Variants in RPS6KC1 observed in about 807,000 individuals in gnomAD.
RPS6KC1 encodes the protein inactive ribosomal protein S6 kinase delta-1.
In RPS6KC1, 54 loss-of-function variants were observed where a neutral mutation model predicts 103.8. The observed-to-expected ratio is 0.52, with a 90% CI of 0.42 to 0.65. The LOEUF is 0.65. RPS6KC1 is among the 30% of genes least tolerant of loss of function. The pLI is 0.00. For synonymous variants in RPS6KC1, 439 were observed against 438.7 expected (o/e 1.00, Z -0.01); for missense variants, 1,151 against 1,253.8 (o/e 0.92, Z 1.24).
At chr1:213,545,394 A>G in the RPS6KC1 span, among the ~76,000 whole-genome samples, 24 of 89,576 alleles carry the variant, frequency 2.7e-4, no homozygotes, top group African/African-American at 8.9e-4. Flanking sequence ...AAATAAATAA[A>G]TAAATAAATA....
chr1:213,331,546 C>T, the RPS6KC1 span, among the ~76,000 whole-genome samples: 2 of 152,222 alleles, frequency 1.3e-5, no homozygotes. Context: ...TGGAGAGCAT[C>T]TGTAAGGAGG....
the RPS6KC1 span, among the ~76,000 whole-genome samples, chr1:213,296,417 G>A: frequency 6.6e-6 from 1 of 152,148 alleles, no homozygotes; most frequent in African/African-American, 2.4e-5. Context: ...TTGGGGGCAG[G>A]GCTTTACTGT....
the RPS6KC1 span, among the ~76,000 whole-genome samples, chr1:213,783,250 C>T: frequency 1.3e-5 from 2 of 152,188 alleles, no homozygotes; most frequent in African/African-American, 4.8e-5. Flanking sequence ...ACAAAGCTGG[C>T]TCTATCTTTG....
At chr1:213,271,836 A>G (rs1404646439) in intron 14 of RPS6KC1, among the ~76,000 whole-genome samples, 1 of 152,148 alleles carries the variant, frequency 6.6e-6, no homozygotes, top group Non-Finnish European at 1.5e-5. Flanking sequence ...AATTTACTAA[A>G]AGTCATCAAA....
chr1:213,585,198 C>T, the RPS6KC1 span, among the ~76,000 whole-genome samples: 24 of 152,156 alleles, frequency 1.6e-4, no homozygotes, highest in African/African-American at 4.3e-4. Flanking sequence ...ATATAGCTAG[C>T]GCTCAGTGAA....
chr1:213,132,066 A>G (rs1270073494), intron 6 of RPS6KC1, among the ~76,000 whole-genome samples: 1 of 152,224 alleles, frequency 6.6e-6, no homozygotes, highest in African/African-American at 2.4e-5. Context: ...AATGAGAATT[A>G]TAGATGCATG....
the RPS6KC1 span, among the ~76,000 whole-genome samples, chr1:213,396,162 T>C: frequency 6.6e-6 from 1 of 152,180 alleles, no homozygotes; most frequent in African/African-American, 2.4e-5. Context: ...GTTTTGAATG[T>C]TGGTTGCATC....
chr1:213,312,495 C>T, the RPS6KC1 span, among the ~76,000 whole-genome samples: 1 of 152,300 alleles, frequency 6.6e-6, no homozygotes, highest in Middle Eastern at 3.4e-3. Context: ...GTCCCCTTCT[C>T]CACAACAGAA....
intron 8 of RPS6KC1, among the ~76,000 whole-genome samples, chr1:213,206,315 G>T (rs548682199): frequency 4.6e-5 from 7 of 152,296 alleles, no homozygotes; most frequent in African/African-American, 1.7e-4. Flanking sequence ...AGATCTTGTG[G>T]TCTATCTACA....
the RPS6KC1 span, among the ~76,000 whole-genome samples, chr1:213,568,280 A>G: frequency 6.6e-6 from 1 of 152,224 alleles, no homozygotes; most frequent in East Asian, 1.9e-4. Context: ...TGGGCAAACT[A>G]GGATGTTATT....
the RPS6KC1 span, among the ~76,000 whole-genome samples, chr1:213,602,526 C>T: frequency 6.6e-6 from 1 of 152,016 alleles, no homozygotes; most frequent in African/African-American, 2.4e-5. Context: ...AGCCATTGCG[C>T]CCGGCCTGGT....
At chr1:213,498,700 C>T in the RPS6KC1 span, among the ~76,000 whole-genome samples, 2 of 151,968 alleles carry the variant, frequency 1.3e-5, no homozygotes, top group Admixed American at 6.6e-5. Flanking sequence ...ATGATCTGCC[C>T]ACCTCAGCCT....
chr1:213,445,889 G>A, the RPS6KC1 span, among the ~76,000 whole-genome samples: 6 of 152,294 alleles, frequency 3.9e-5, no homozygotes, highest in South Asian at 1.2e-3. Flanking sequence ...AATGGGAGGT[G>A]TTATCTCCAT....
the RPS6KC1 span, among the ~76,000 whole-genome samples, chr1:213,289,581 G>C: frequency 0.98 from 149,825 of 152,314 alleles, 73,744 homozygotes; most frequent in East Asian, 1. Context: ...GGGGAAAGTT[G>C]TTTCCATTTT....
chr1:213,450,725 C>G, the RPS6KC1 span, among the ~76,000 whole-genome samples: 1 of 152,188 alleles, frequency 6.6e-6, no homozygotes, highest in Non-Finnish European at 1.5e-5. Context: ...ACTGCAATCC[C>G]AGCACTTTGG....
chr1:213,423,588 A>G, the RPS6KC1 span, among the ~76,000 whole-genome samples: 4 of 152,188 alleles, frequency 2.6e-5, no homozygotes, highest in African/African-American at 7.2e-5. Context: ...AACTTTATTT[A>G]AAAACTGCAG....
At chr1:213,535,608 T>C in the RPS6KC1 span, among the ~76,000 whole-genome samples, 847 of 152,240 alleles carry the variant, frequency 5.6e-3, 5 homozygotes, top group Non-Finnish European at 9.6e-3. Context: ...CCAGGGTATA[T>C]AGAATTCAGG....
At chr1:213,446,143 T>A in the RPS6KC1 span, among the ~76,000 whole-genome samples, 1 of 152,304 alleles carries the variant, frequency 6.6e-6, no homozygotes, top group African/African-American at 2.4e-5. Context: ...CCTGCATGAC[T>A]TTCCACTCCA....
At chr1:213,527,008 C>T in the RPS6KC1 span, among the ~76,000 whole-genome samples, 2 of 152,216 alleles carry the variant, frequency 1.3e-5, no homozygotes, top group Admixed American at 6.5e-5. Flanking sequence ...TTCACAGCCT[C>T]ACCCCATTTG....
Sources: gnomAD v4.1 joint callset for allele counts (sites outside exome capture counted in the v4.1 genomes callset) on GRCh38, gnomAD v4.1.1 for gene constraint, MANE v1.5 for transcripts, NCBI Gene and HGNC (gene_info 2026-07-23, HGNC 2026-07-21) for gene names.